CEP44: variants seen among roughly 807,000 people sequenced by gnomAD.
The protein encoded by CEP44 is centrosomal protein of 44 kDa.
In CEP44, 45 loss-of-function variants were observed where a neutral mutation model predicts 46.7. That is an observed-to-expected ratio of 0.96 (90% CI 0.76 to 1.24). The LOEUF (loss-of-function observed/expected upper bound fraction) is 1.24, where lower values mean the gene tolerates loss of function less well. Ranked by LOEUF, CEP44 falls within the 50% of genes most tolerant of loss-of-function variation. The pLI is 0.00. For synonymous variants in CEP44, 142 were observed against 146.0 expected, an observed-to-expected ratio of 0.97 and a Z score of 0.20; for missense variants, 475 against 459.7, an observed-to-expected ratio of 1.03 and a Z score of -0.30.
intron 1 of CEP44, among the ~76,000 whole-genome samples, chr4:174,285,855 C>T (rs1319733604): frequency 1.3e-5 from 2 of 152,156 alleles, no homozygotes; most frequent in Non-Finnish European, 2.9e-5. Context: ...AAAGTAAAGG[C>T]TTATCTTGGG....
intron 6 of CEP44, among the ~76,000 whole-genome samples, chr4:174,306,575 CA>C (rs1740426996): frequency 6.6e-6 from 1 of 152,010 alleles, no homozygotes; most frequent in Non-Finnish European, 1.5e-5. Context: ...ATTTTATCAT[CA>C]CACATAAATT....
chr4:174,327,869 A>G (rs769359243), intron 8 of CEP44, among the ~76,000 whole-genome samples: 3 of 152,220 alleles, frequency 2.0e-5, no homozygotes, highest in Non-Finnish European at 4.4e-5. Flanking sequence ...AATACCACCT[A>G]CAAGCTAAAT....
In CEP44 at chr4:174,290,434, T is replaced by C. The variant is rs1391737204; in HGVS notation, c.-148+6491T>C. On this transcript the variant is annotated intron_variant, in intron 1 of 11. Coordinates refer to ENST00000503780, the MANE Select transcript of CEP44 (RefSeq NM_001040157.3). This position sits in a 1 kb window ranked among gnomAD's most constrained non-coding sequence, Gnocchi z 4.3. ...AGAATGTTTTTAGTCTTCTTAAATTTGTTAAGACTTGTTTTGTGACCTAGG... is the reference window on the plus strand; with the variant it reads ...AGAATGTTTTTAGTCTTCTTAAATTCGTTAAGACTTGTTTTGTGACCTAGG... Among the ~76,000 whole-genome samples the C allele has an allele frequency of 6.6e-6, 1 of 150,862 alleles. No individual in the cohort carries two copies. Among genetic ancestry groups the C allele is most frequent in the African/African-American group, 2.4e-5 (1 of 41,390 alleles).
intron 3 of CEP44, 124 bp downstream of exon 3, chr4:174,299,334 T>G: frequency 4.6e-6 from 3 of 648,984 alleles, no homozygotes; most frequent in Non-Finnish European, 7.6e-6. Context: ...TGCCTTGAAA[T>G]GATTAAAATA....
At position 174,319,226 on chromosome 4, in the gene CEP44, T is replaced by A; in HGVS notation, c.*1843T>A. 1.0e-6 allele frequency: 1 copy of A among 969,550 alleles called. No individual in the cohort carries two copies. The allele number at this position is 969,550 out of a possible 1,614,324, so 60.1% of individuals were successfully genotyped here. ...AAATATTTCCAGAATTAATGAAGCA[T>A]GTTAGCTTTAATTTTTTCAATTGTG... On this transcript the variant is annotated 3_prime_UTR_variant, in exon 12 of 12. Coordinates refer to ENST00000503780, the MANE Select transcript of CEP44 (RefSeq NM_001040157.3).
At chr4:174,304,723 T>C (rs1740183762) in intron 6 of CEP44, among the ~76,000 whole-genome samples, 1 of 152,222 alleles carries the variant, frequency 6.6e-6, no homozygotes, top group Non-Finnish European at 1.5e-5. Context: ...GAGCCTACAT[T>C]AGCAGTAGTG....
chr4:174,321,371 G>C (rs1288324356), downstream of CEP44, among the ~76,000 whole-genome samples: 1 of 152,072 alleles, frequency 6.6e-6, no homozygotes, highest in Non-Finnish European at 1.5e-5. Context: ...GCGTTTTAGG[G>C]TTTTGAGTGC....
At chr4:174,304,113 CAT>C (rs1740087618) in intron 5 of CEP44, 132 bp from the exon 6 acceptor site, 1 of 1,104,622 alleles carries the variant, frequency 9.1e-7, no homozygotes, top group East Asian at 2.7e-5. Flanking sequence ...TTTTAAAAGT[CAT>C]GTAGTCTCAT....
In CEP44 at chr4:174,301,931, A is replaced by T; in HGVS notation, c.90-108A>T. On this transcript the variant is annotated intron_variant, in intron 3 of 11. Transcript: ENST00000503780. This position sits in a 1 kb window ranked among gnomAD's most constrained non-coding sequence, Gnocchi z 4.3. Reference sequence around the variant, plus strand: ...ACCTAATTATTATAGCTATAGTGTTAAGTTTTAAATTATTATAAACATTTC... The same window carrying T: ...ACCTAATTATTATAGCTATAGTGTTTAGTTTTAAATTATTATAAACATTTC... 1.0e-6 allele frequency: 1 copy of T among 983,710 alleles called. No individual in the cohort carries two copies. Among genetic ancestry groups the T allele is most frequent in the Non-Finnish European group, 1.5e-6 (1 of 684,076 alleles). The allele number at this position is 983,710 out of a possible 1,614,324, so 60.9% of individuals were successfully genotyped here. A position where few individuals can be genotyped will look rare whatever the true frequency, so the allele number is the denominator to read the frequency against.
At chr4:174,303,382 A>AACTAAGTTCTAGTGAACTTAG (rs1440950159) in intron 4 of CEP44, among the ~76,000 whole-genome samples, 1 of 152,178 alleles carries the variant, frequency 6.6e-6, no homozygotes, top group Non-Finnish European at 1.5e-5. Flanking sequence ...CTGGTATGGT[A>AACTAAGTTCTAGTGAACTTAG]TTCTAGTGAA....
downstream of CEP44, among the ~76,000 whole-genome samples, chr4:174,322,996 G>T (rs1263118108): frequency 6.6e-6 from 1 of 151,902 alleles, no homozygotes; most frequent in African/African-American, 2.4e-5. Flanking sequence ...TTTTTGAAAA[G>T]TTACTCAAAA....
At position 174,308,876 on chromosome 4, in the gene CEP44, T is replaced by C; in HGVS notation, c.678+17T>C. On this transcript the variant is annotated intron_variant, in intron 7 of 11. Transcript: ENST00000503780. ...GAGCAACAGGTAACAACTTTGGACT[T>C]TTTAAATAGATGCCAGTATTTTTTA... is the stretch of plus-strand genomic sequence containing the variant. 6.2e-7 allele frequency: 1 copy of C among 1,606,014 alleles called. No individual in the cohort carries two copies. Among genetic ancestry groups the C allele is most frequent in the Non-Finnish European group, 8.5e-7 (1 of 1,176,450 alleles).
chr4:174,309,760 T>G lies in CEP44; in HGVS notation c.679-90T>G. The G allele has an allele frequency of 6.8e-6, 6 of 887,550 alleles. No individual in the cohort carries two copies. Among genetic ancestry groups the G allele is most frequent in the Non-Finnish European group, 6.9e-6 (4 of 577,726 alleles). The allele number at this position is 887,550 out of a possible 1,614,324, so 55.0% of individuals were successfully genotyped here. ...CAAGCAGGACGGTCTCTCCTAACTG[T>G]TGAGATAACGCTGTGGAAGTGAGAA... is the stretch of plus-strand genomic sequence containing the variant. On this transcript the variant is annotated intron_variant, in intron 7 of 11. Coordinates refer to ENST00000503780, the MANE Select transcript of CEP44 (RefSeq NM_001040157.3). The surrounding 1 kb of genome is among the most constrained non-coding windows in gnomAD (Gnocchi z 5.3).
rs555467987 is a variant in CEP44, at chr4:174,320,044, C to G, written c.*2661C>G. 5.1e-6 allele frequency: 5 copies of G among 985,068 alleles called. No homozygotes were observed. In the South Asian group the frequency reaches 1.9e-4, roughly 37 times the overall value. The allele number at this position is 985,068 out of a possible 1,614,324, so 61.0% of individuals were successfully genotyped here. On this transcript the variant is annotated 3_prime_UTR_variant, in exon 12 of 12. Coordinates refer to ENST00000503780, the MANE Select transcript of CEP44 (RefSeq NM_001040157.3). ...TTCTCTCATAAACTGGTTGAAAAAACACTGTACTACCAACAAAGGTGTCAG... is the reference window on the plus strand; with the variant it reads ...TTCTCTCATAAACTGGTTGAAAAAAGACTGTACTACCAACAAAGGTGTCAG...
rs919594997 is a variant in CEP44, at chr4:174,302,030, TC to T, written c.90-7del. 4 of 1,579,344 alleles carry T rather than the reference TC, an allele frequency of 2.5e-6. No homozygotes were observed. In the Admixed American group the frequency reaches 6.2e-5, roughly 24 times the overall value. On this transcript the variant is annotated splice_polypyrimidine_tract_variant and splice_region_variant and intron_variant, in intron 3 of 11. Coordinates refer to ENST00000503780, the MANE Select transcript of CEP44 (RefSeq NM_001040157.3). ...CTTATTAAAAATATTTTTCTTTTTT[TC>T]CTAACAGTTTGATAAAGGGAGACCC...
intron 6 of CEP44, among the ~76,000 whole-genome samples, chr4:174,306,578 A>G (rs1468539042): frequency 6.6e-6 from 1 of 152,104 alleles, no homozygotes; most frequent in Non-Finnish European, 1.5e-5. Context: ...TTATCATCAC[A>G]CATAAATTAT....
At chr4:174,324,099 C>A (rs1328297330), downstream of CEP44, among the ~76,000 whole-genome samples, 1 of 152,142 alleles carries the variant, frequency 6.6e-6, no homozygotes, top group Non-Finnish European at 1.5e-5. Context: ...CACTGATTTG[C>A]ATTCCATCAT....
intron 11 of CEP44, 55 bp downstream of exon 11, chr4:174,316,622 G>T: frequency 1.4e-6 from 2 of 1,462,942 alleles, no homozygotes; most frequent in Non-Finnish European, 1.9e-6. Flanking sequence ...AATTGTATTG[G>T]ATTACAGTAT....
In CEP44 at chr4:174,314,550, C is replaced by T. The variant is rs1233761078; in HGVS notation, c.962-1616C>T. On this transcript the variant is annotated intron_variant, in intron 9 of 11. Coordinates refer to ENST00000503780, the MANE Select transcript of CEP44 (RefSeq NM_001040157.3). This position sits in a 1 kb window ranked among gnomAD's most constrained non-coding sequence, Gnocchi z 4.1. ...GCACACTCTTGAATAAGGTTAGACA[C>T]CGCAAAGTCTGGACCCCAAAATGGA... Among the ~76,000 whole-genome samples, 1 of 152,168 alleles carries T rather than the reference C, an allele frequency of 6.6e-6. No individual in the cohort carries two copies. Among genetic ancestry groups the T allele is most frequent in the East Asian group, 1.9e-4 (1 of 5,190 alleles).
Sources: allele counts gnomAD v4.1 joint callset (sites outside exome capture counted in the v4.1 genomes callset), GRCh38; gene constraint gnomAD v4.1.1; non-coding constraint Gnocchi (gnomAD v3.1); transcripts MANE v1.5; gene names NCBI Gene and HGNC (gene_info 2026-07-23, HGNC 2026-07-21).